Variants in CMSS1 observed in about 807,000 individuals in gnomAD.
The protein encoded by CMSS1 is protein CMSS1.
In CMSS1, 33 loss-of-function variants were observed where a neutral mutation model predicts 43.5. The ratio of observed to expected loss-of-function variants is 0.76; its 90% CI spans 0.57 to 1.01. The LOEUF (loss-of-function observed/expected upper bound fraction) is 1.01, where lower values mean the gene tolerates loss of function less well. Ranked by LOEUF, CMSS1 falls within the 50% of genes least tolerant of loss-of-function variation. The pLI is 0.00. For missense variants in CMSS1, 313 were observed against 326.4 expected, an observed-to-expected ratio of 0.96 and a Z score of 0.32; for synonymous variants, 115 against 117.2, an observed-to-expected ratio of 0.98 and a Z score of 0.12.
intron 1 of CMSS1, among the ~76,000 whole-genome samples, chr3:100,027,338 A>G (rs1051759612): frequency 5.9e-5 from 9 of 152,152 alleles, no homozygotes; most frequent in African/African-American, 1.7e-4. Flanking sequence ...TAGGTGTTCA[A>G]TAAATGTTTG....
intron 5 of CMSS1, among the ~76,000 whole-genome samples, chr3:100,166,905 AT>A (rs879728610): frequency 5.0e-4 from 73 of 146,356 alleles, no homozygotes; most frequent in East Asian, 1.2e-3. Flanking sequence ...CAAGCAGCTA[AT>A]TTTTTTTTTT....
chr3:99,964,757 C>T (rs1708596310), intron 1 of CMSS1, among the ~76,000 whole-genome samples: 1 of 152,024 alleles, frequency 6.6e-6, no homozygotes, highest in Non-Finnish European at 1.5e-5. Context: ...GAAAGAGGTC[C>T]CCTAGGAGAC....
At chr3:99,847,924 A>G (rs1943440914) in intron 1 of CMSS1, 11 of 992,308 alleles carry the variant, frequency 1.1e-5, no homozygotes, top group Non-Finnish European at 1.2e-5. Flanking sequence ...TCAGCAAGCA[A>G]TGGTAAAAAT....
chr3:100,133,013 G>A (rs2066722678), intron 1 of CMSS1, among the ~76,000 whole-genome samples: 1 of 151,812 alleles, frequency 6.6e-6, no homozygotes, highest in Non-Finnish European at 1.5e-5. Context: ...AAAAGCTTGT[G>A]GAAAAGAGTT....
At chr3:99,926,958 T>A (rs1212630477) in intron 1 of CMSS1, among the ~76,000 whole-genome samples, 2 of 152,178 alleles carry the variant, frequency 1.3e-5, no homozygotes, top group Admixed American at 1.3e-4. Flanking sequence ...ACTGACAGCA[T>A]GATTTTTCAC....
intron 1 of CMSS1, among the ~76,000 whole-genome samples, chr3:100,014,119 A>G (rs1576641474): frequency 6.6e-6 from 1 of 151,406 alleles, no homozygotes; most frequent in East Asian, 1.9e-4. Context: ...AATGTCCTCC[A>G]GGTTCATCCA....
chr3:100,140,806 GAA>G (rs1037641170), intron 1 of CMSS1, among the ~76,000 whole-genome samples: 2 of 150,550 alleles, frequency 1.3e-5, no homozygotes, highest in South Asian at 2.1e-4. Context: ...AAATATAAAA[GAA>G]AAAAAATTTT....
At chr3:100,127,907 A>G (rs1284222847) in intron 1 of CMSS1, among the ~76,000 whole-genome samples, 1 of 152,200 alleles carries the variant, frequency 6.6e-6, no homozygotes, top group Non-Finnish European at 1.5e-5. Context: ...GTTAGGTAAA[A>G]GCCTCTCTTA....
intron 1 of CMSS1, among the ~76,000 whole-genome samples, chr3:100,145,388 C>T (rs2066840526): frequency 6.6e-6 from 1 of 151,764 alleles, no homozygotes; most frequent in South Asian, 2.1e-4. Context: ...GCGGAGGTTG[C>T]AGTGAGCTGA....
At chr3:100,072,963 T>C (rs2065787380) in intron 1 of CMSS1, among the ~76,000 whole-genome samples, 1 of 152,218 alleles carries the variant, frequency 6.6e-6, no homozygotes, top group Non-Finnish European at 1.5e-5. Context: ...GATGATAGCA[T>C]ATGTTTGAAG....
rs75578908 is a variant in CMSS1, at chr3:100,038,928, G to A, written c.65-108045G>A. 4.6e-3 allele frequency among the ~76,000 whole-genome samples: 698 copies of A among 152,166 alleles called. 7 individuals carry two copies. The highest frequency in any genetic ancestry group is 0.016 in the African/African-American group (673 of 41,530). On this transcript the variant is annotated intron_variant, in intron 1 of 9. Coordinates refer to ENST00000421999, the MANE Select transcript of CMSS1 (RefSeq NM_032359.4). ...GTAATAAAAAGAAGAAAGAATGAAC[G>A]TACATGTTTGTCTGCATATGTATAA... is the stretch of plus-strand genomic sequence containing the variant.
chr3:100,021,170 T>A (rs953417899), intron 1 of CMSS1, among the ~76,000 whole-genome samples: 1 of 152,192 alleles, frequency 6.6e-6, no homozygotes, highest in Non-Finnish European at 1.5e-5. Context: ...TGCTCTCACA[T>A]AGAACACACT....
At chr3:99,904,775 TG>T in intron 1 of CMSS1, among the ~76,000 whole-genome samples, 1 of 152,316 alleles carries the variant, frequency 6.6e-6, no homozygotes, top group South Asian at 2.1e-4. Flanking sequence ...CATCCTCTTT[TG>T]CTCTAGAATC....
intron 1 of CMSS1, among the ~76,000 whole-genome samples, chr3:99,960,460 C>A (rs1708457655): frequency 6.6e-6 from 1 of 152,134 alleles, no homozygotes. Context: ...GGGGAAAAAT[C>A]AAAGATTTTG....
intron 1 of CMSS1, among the ~76,000 whole-genome samples, chr3:99,828,365 C>A (rs1942574943): frequency 1.3e-5 from 2 of 150,892 alleles, no homozygotes. Flanking sequence ...TTATCAAATA[C>A]CTGCTCTATG....
intron 1 of CMSS1, among the ~76,000 whole-genome samples, chr3:100,056,285 A>T (rs577828643): frequency 6.6e-6 from 1 of 152,328 alleles, no homozygotes; most frequent in Admixed American, 6.5e-5. Context: ...CCAGCTGATA[A>T]ATTGACAAGT....
intron 1 of CMSS1, among the ~76,000 whole-genome samples, chr3:99,939,736 T>C (rs1431436347): frequency 6.6e-6 from 1 of 152,194 alleles, no homozygotes; most frequent in Non-Finnish European, 1.5e-5. Flanking sequence ...CTTGTAATGA[T>C]ACCTTTCACA....
intron 1 of CMSS1, among the ~76,000 whole-genome samples, chr3:99,964,697 T>A (rs1708594966): frequency 1.3e-5 from 2 of 152,030 alleles, no homozygotes; most frequent in South Asian, 4.2e-4. Flanking sequence ...GCTGGGAATA[T>A]TTGTCTAGAA....
intron 1 of CMSS1, among the ~76,000 whole-genome samples, chr3:99,889,729 T>C (rs1706024698): frequency 6.6e-6 from 1 of 152,002 alleles, no homozygotes; most frequent in Non-Finnish European, 1.5e-5. Context: ...CTATTAGGGA[T>C]TAATGACCCT....
Sources: allele counts gnomAD v4.1 joint callset (sites outside exome capture counted in the v4.1 genomes callset), GRCh38; gene constraint gnomAD v4.1.1; transcripts MANE v1.5; gene names NCBI Gene and HGNC (gene_info 2026-07-23, HGNC 2026-07-21).